USP10: variants seen among roughly 807,000 people sequenced by gnomAD.
The protein encoded by USP10 is ubiquitin carboxyl-terminal hydrolase 10.
A neutral mutation model predicts 84.5 loss-of-function variants in USP10; 22 were observed. That is an observed-to-expected ratio of 0.26 (90% CI 0.19 to 0.37). USP10 has a LOEUF of 0.37. Ranked by LOEUF, USP10 falls within the 10% of genes least tolerant of loss-of-function variation. USP10 has a pLI of 1.00. For synonymous variants in USP10, 454 were observed against 387.6 expected (o/e 1.17, Z -2.01); for missense variants, 1,019 against 998.9 (o/e 1.02, Z -0.27).
intron 1 of USP10, among the ~76,000 whole-genome samples, chr16:84,710,360 T>C (rs1050054968): frequency 6.6e-6 from 1 of 152,126 alleles, no homozygotes; most frequent in Admixed American, 6.5e-5. Context: ...TTTGATTCTT[T>C]AGGCTCTCCT....
In USP10 at chr16:84,764,200, C is replaced by A; in HGVS notation, c.1769C>A (p.Ser590Tyr). The stretch of plus-strand genomic sequence containing the variant: ...CAAGTGGGCCCCCGGAACAAGACTT[C>A]CGTCACCCGCCAGGCGGATTTTGTT... ...WEQVGPRNKT[S>Y]VTRQADFVQT... The change falls in exon 10 of 14, where the codon TCC (serine) becomes TAC (tyrosine). Residue 590 changes from serine (S) to tyrosine (Y), a missense_variant. Coordinates refer to ENST00000219473, the MANE Select transcript of USP10 (RefSeq NM_005153.3). 1 of 1,614,038 alleles carries A rather than the reference C, an allele frequency of 6.2e-7. No homozygotes were observed.
intron 1 of USP10, chr16:84,732,706 C>T (rs549900767): frequency 1.0e-5 from 3 of 299,138 alleles, no homozygotes; most frequent in Non-Finnish European, 6.5e-6. Context: ...TGTCAGCCTC[C>T]CAGAGTGCTG....
intron 1 of USP10, among the ~76,000 whole-genome samples, chr16:84,720,799 G>A (rs1438358150): frequency 6.6e-6 from 1 of 150,492 alleles, no homozygotes; most frequent in Non-Finnish European, 1.5e-5. Context: ...AGCGGGGATG[G>A]TCTCGATCTC....
At chr16:84,778,723 G>C (rs1915274530) in intron 13 of USP10, among the ~76,000 whole-genome samples, 172 bp from the exon 14 acceptor site, 2 of 152,218 alleles carry the variant, frequency 1.3e-5, no homozygotes, top group African/African-American at 4.8e-5. Flanking sequence ...TGGATTGCTT[G>C]CGTGTTTGAG....
At chr16:84,749,062 G>T (rs542753924) in intron 4 of USP10, among the ~76,000 whole-genome samples, 6 of 152,092 alleles carry the variant, frequency 3.9e-5, no homozygotes, top group Non-Finnish European at 2.9e-5. Context: ...CGTAGTTGTT[G>T]ACAGTTTCAG....
At chr16:84,778,871 G>C (rs987110183) in intron 13 of USP10, 24 bp from the exon 14 acceptor site, 2 of 1,605,038 alleles carry the variant, frequency 1.2e-6, no homozygotes, top group East Asian at 2.2e-5. Flanking sequence ...TTCTCACTCT[G>C]CTGCCTGCTG....
At chr16:84,732,431 A>ACTT (rs143371658) in intron 1 of USP10, 90 of 393,514 alleles carry the variant, frequency 2.3e-4, no homozygotes, top group Non-Finnish European at 3.5e-4. Flanking sequence ...CTTCTCAATG[A>ACTT]CTTCTTCTTC....
intron 1 of USP10, among the ~76,000 whole-genome samples, chr16:84,719,085 C>T: frequency 6.6e-6 from 1 of 152,058 alleles, no homozygotes; most frequent in African/African-American, 2.4e-5. Flanking sequence ...AGCCACCGCG[C>T]CCGGCCAGTT....
In USP10 at chr16:84,754,855, A is replaced by G. The variant is rs73245626; in HGVS notation, c.1193-3861A>G. Among the ~76,000 whole-genome samples the G allele has an allele frequency of 1.9e-3, 292 of 152,286 alleles. 1 individual carries two copies. Among genetic ancestry groups the G allele is most frequent in the African/African-American group, 6.7e-3 (280 of 41,566 alleles). ...CCCCTAACTCAGTTAAGAACATGAA[A>G]GGAGGCCAGGCACAGTGGCTCACAC... On this transcript the variant is annotated intron_variant, in intron 4 of 13. Coordinates refer to ENST00000219473, the MANE Select transcript of USP10 (RefSeq NM_005153.3).
At chr16:84,744,327 G>A (rs183000028) in intron 3 of USP10, among the ~76,000 whole-genome samples, 17 of 152,118 alleles carry the variant, frequency 1.1e-4, no homozygotes, top group African/African-American at 3.6e-4. Flanking sequence ...CCACTGGGGG[G>A]TATTTTTAAA....
intron 4 of USP10, among the ~76,000 whole-genome samples, chr16:84,757,400 G>T (rs60223469): frequency 0.32 from 19,205 of 59,962 alleles, 1,459 homozygotes; most frequent in Non-Finnish European, 0.42. Context: ...GAGAGGGGTG[G>T]GGGTGTGTGT....
chr16:84,745,015 T>C lies in USP10; in HGVS notation c.534T>C (p.Asn178=), dbSNP rs1911040637. ...GTATCTCCACAGAAGCCCTGGTCAA[T>C]GGCCATGCCAATTCAGCAGTCCCGA... ...DDSISTEALV[N]GHANSAVPNS... is the part of the protein sequence containing the mutation. Residue 178 remains asparagine (N), a synonymous_variant, in exon 4 of 14, where the codon AAT becomes AAC. Transcript: ENST00000219473. 6.2e-7 allele frequency: 1 copy of C among 1,613,848 alleles called. No homozygotes were observed. The highest frequency in any genetic ancestry group is 8.5e-7 in the Non-Finnish European group (1 of 1,179,732).
chr16:84,707,337 C>A (rs1905664698), intron 1 of USP10, among the ~76,000 whole-genome samples: 1 of 152,186 alleles, frequency 6.6e-6, no homozygotes, highest in African/African-American at 2.4e-5. Flanking sequence ...TTACTATTCA[C>A]TAAAGTTTGT....
chr16:84,714,050 G>A (rs1278159572), intron 1 of USP10, among the ~76,000 whole-genome samples: 1 of 152,214 alleles, frequency 6.6e-6, no homozygotes, highest in East Asian at 1.9e-4. Flanking sequence ...CTGGGCACCA[G>A]AATAGTAAGG....
chr16:84,718,035 G>C (rs1426549320), intron 1 of USP10, among the ~76,000 whole-genome samples: 1 of 152,186 alleles, frequency 6.6e-6, no homozygotes, highest in East Asian at 1.9e-4. Flanking sequence ...ACAATGATGA[G>C]AGAGAGATTG....
Position 84,740,362 on chromosome 16 carries a change from A to C in USP10, c.144A>C (p.Leu48=). 1.9e-6 allele frequency: 3 copies of C among 1,612,704 alleles called. No individual in the cohort carries two copies. The highest frequency in any genetic ancestry group is 2.5e-6 in the Non-Finnish European group (3 of 1,179,008). Residue 48 remains leucine (L), a synonymous_variant, in exon 3 of 14, where the codon CTA becomes CTC. Coordinates refer to ENST00000219473, the MANE Select transcript of USP10 (RefSeq NM_005153.3). ...GTGGCACACAGGCTGTGGATAAACT[A>C]CCTGATGGTAAGCTAGTTCTCTCCT... The part of the protein sequence containing the change: ...VLCGTQAVDK[L]PDGQEYQRIE...
chr16:84,706,663 C>G (rs1422782499), intron 1 of USP10, among the ~76,000 whole-genome samples: 1 of 151,806 alleles, frequency 6.6e-6, no homozygotes, highest in East Asian at 1.9e-4. Flanking sequence ...GCCTCAGCCT[C>G]CGGAGTAGCT....
rs758980440 is a variant in USP10, at chr16:84,744,774, A to G, written c.293A>G (p.Lys98Arg). The G allele has an allele frequency of 4.4e-5, 71 of 1,613,616 alleles. 1 individual carries two copies. Among genetic ancestry groups the G allele is most frequent in the Admixed American group, 3.5e-4 (21 of 59,988 alleles). Residue 98 changes from lysine (K) to arginine (R), a missense_variant, in exon 4 of 14, where the codon AAA (lysine) becomes AGA (arginine). This residue lies in a region of USP10 where 787 missense variants were observed against 708.8 expected (regional missense o/e 1.11). Coordinates refer to ENST00000219473, the MANE Select transcript of USP10 (RefSeq NM_005153.3). ...TTTATTCTCGGTTGTACAGCTTCCA[A>G]AATAACCCCTGATGGTATCACTAAA... ...PEFILGCTAS[K>R]ITPDGITKEA...
rs1183732196 is a variant in USP10 at position 84,755,643 on chromosome 16, A to G, written c.1193-3073A>G. Among the ~76,000 whole-genome samples the G allele has an allele frequency of 3.3e-5, 5 of 152,170 alleles. No individual in the cohort carries two copies. In the East Asian group the frequency reaches 9.7e-4, roughly 29 times the overall value. ...AGAGCAAGATCCTGTCTTTAAAATA[A>G]TAATTATGATTGGGTATGGTGGCAC... On this transcript the variant is annotated intron_variant, in intron 4 of 13. Transcript: ENST00000219473.
Sources: gnomAD v4.1 joint callset for allele counts (sites outside exome capture counted in the v4.1 genomes callset) on GRCh38, gnomAD v4.1.1 for gene constraint, gnomAD v4.1.1 regional missense constraint, MANE v1.5 for transcripts, NCBI Gene and HGNC (gene_info 2026-07-23, HGNC 2026-07-21) for gene names.